Variants in PRKAA1 observed in about 807,000 individuals in gnomAD.
PRKAA1 encodes the protein protein kinase AMP-activated catalytic subunit alpha 1, also known as 5'-AMP-activated protein kinase catalytic subunit alpha-1.
PRKAA1 carries 23 observed loss-of-function variants against 56.9 expected under a neutral mutation model. That is an observed-to-expected ratio of 0.40 (90% confidence interval 0.29 to 0.57). PRKAA1 has a LOEUF of 0.57. Ranked by LOEUF, PRKAA1 falls within the 20% of genes least tolerant of loss-of-function variation. The pLI is 0.39. For synonymous variants in PRKAA1, 226 were observed against 227.0 expected, an observed-to-expected ratio of 1.00 and a Z score of 0.04; for missense variants, 413 against 679.7, an observed-to-expected ratio of 0.61 and a Z score of 4.36.
intron 3 of PRKAA1, chr5:40,774,956 C>A (rs768176385): frequency 3.9e-5 from 62 of 1,605,188 alleles, no homozygotes; most frequent in Non-Finnish European, 5.0e-5. Flanking sequence ...TTTTACTACT[C>A]CAGGTACATC....
At chr5:40,775,197 C>T (rs906448762) in intron 3 of PRKAA1, among the ~76,000 whole-genome samples, 3 of 152,114 alleles carry the variant, frequency 2.0e-5, no homozygotes, top group African/African-American at 4.8e-5. Context: ...ATATAAGCCG[C>T]GAGGCTCAGT....
rs987135361 is a variant in PRKAA1, at chr5:40,769,511, T to C, written c.509-8A>G. The C allele has an allele frequency of 3.8e-6, 6 of 1,595,590 alleles. No individual in the cohort carries two copies. Among genetic ancestry groups the C allele is most frequent in the Middle Eastern group, 1.7e-4 (1 of 5,994 alleles). On this transcript the variant is annotated splice_region_variant and splice_polypyrimidine_tract_variant and intron_variant, in intron 4 of 8. Transcript: ENST00000397128. ...ACATCATGTTTGAAAGACCTGAAAG[T>C]GCACAAAATCAGCTACTCAAAAGAT...
At chr5:40,777,325 T>C in intron 2 of PRKAA1, 120 bp downstream of exon 2, 1 of 1,222,324 alleles carries the variant, frequency 8.2e-7, no homozygotes, top group Non-Finnish European at 1.1e-6. Flanking sequence ...GGAAGAAACT[T>C]TTCAAAACCC....
At position 40,798,225 on chromosome 5, in the gene PRKAA1, C is replaced by T. The variant is rs1745036424; in HGVS notation, c.-36G>A. On this transcript the variant is annotated 5_prime_UTR_variant, in exon 1 of 9. Coordinates refer to ENST00000397128, the MANE Select transcript of PRKAA1 (RefSeq NM_006251.6). ...GAGGGGGCGGAGGGGGCGGGCAGGG[C>T]CGCGCCGGGGGCGGGCGGGGAGGGG... The T allele has an allele frequency of 4.9e-6, 1 of 204,910 alleles. No individual in the cohort carries two copies. Among genetic ancestry groups the T allele is most frequent in the South Asian group, 4.6e-5 (1 of 21,786 alleles). 12.7% of individuals were successfully genotyped at this position (204,910 alleles called of 1,614,324 possible).
rs1052662585 is a variant in PRKAA1, at chr5:40,764,630, G to A, written c.1319C>T (p.Pro440Leu). The stretch of plus-strand genomic sequence containing the variant: ...CTTCCTTCGTACACGCAAATAATAT[G>A]GGTTTACAACCTAGCACATGGTATA... ...QLDYEWKVVN[P>L]YYLRVRRKNP... Residue 440 changes from proline to leucine, a missense_variant, in exon 8 of 9, where the codon CCA becomes CTA. Pro to Leu is a moderately conservative substitution (Grantham distance 98). This residue lies in a region of PRKAA1 where 139 missense variants were observed against 171.5 expected (regional missense o/e 0.81). Transcript: ENST00000397128. 2 of 1,613,720 alleles carry A rather than the reference G, an allele frequency of 1.2e-6. No homozygotes were observed. The highest frequency in any genetic ancestry group is 2.7e-5 in the African/African-American group (2 of 74,892).
rs990755112 is a variant in PRKAA1 at position 40,759,708 on chromosome 5, T to A, written c.*3070A>T. The A allele has an allele frequency of 6.6e-6, 1 of 152,236 alleles. No homozygotes were observed. The highest frequency in any genetic ancestry group is 1.5e-5 in the Non-Finnish European group (1 of 68,028). 9.4% of individuals were successfully genotyped at this position (152,236 alleles called of 1,614,324 possible). The stretch of plus-strand genomic sequence containing the variant: ...CATCTAGCCCCAGGCTACCAAGCAT[T>A]AATTCAATGTAAATGGTGTCACTAC... On this transcript the variant is annotated 3_prime_UTR_variant, in exon 9 of 9. Transcript: ENST00000397128.
intron 1 of PRKAA1, among the ~76,000 whole-genome samples, chr5:40,794,368 T>C (rs1255567000): frequency 7.9e-5 from 12 of 152,242 alleles, no homozygotes; most frequent in Admixed American, 7.8e-4. Flanking sequence ...TTGTTTGAGT[T>C]CATTGTGGAT....
chr5:40,764,442 A>G, intron 8 of PRKAA1, 72 bp downstream of exon 8: 1 of 1,416,350 alleles, frequency 7.1e-7, no homozygotes, highest in East Asian at 2.3e-5. Flanking sequence ...AAGAAGCCTC[A>G]AAAGAATCAA....
In PRKAA1 at chr5:40,777,512, C is replaced by T. The variant is rs762063813; in HGVS notation, c.202G>A (p.Val68Met). ...ATTTCTCTGCGGATTTTTCCTACCACATCAAGGCTCCGAATCTTCTGTCGA... is the reference window on the plus strand; with the variant it reads ...ATTTCTCTGCGGATTTTTCCTACCATATCAAGGCTCCGAATCTTCTGTCGA... ...LNRQKIRSLDVVGKIRREIQN... is the reference protein window; with the variant it reads ...LNRQKIRSLDMVGKIRREIQN... The change falls in exon 2 of 9, where the codon GTG (valine) becomes ATG (methionine). Residue 68 changes from valine to methionine, a missense_variant. By Grantham distance (21) the Val-to-Met change is conservative. Around this residue, in one of 9 missense-constraint regions of PRKAA1, gnomAD observed 16 missense variants for 30.9 expected, o/e 0.52. Coordinates refer to ENST00000397128, the MANE Select transcript of PRKAA1 (RefSeq NM_006251.6). 2 of 1,613,748 alleles carry T rather than the reference C, an allele frequency of 1.2e-6. No homozygotes were observed. Among genetic ancestry groups the T allele is most frequent in the Non-Finnish European group, 8.5e-7 (1 of 1,179,618 alleles).
At chr5:40,764,233 CA>C in intron 8 of PRKAA1, 3 of 215,094 alleles carry the variant, frequency 1.4e-5, no homozygotes, top group Non-Finnish European at 2.7e-5. Flanking sequence ...TGAACTACAC[CA>C]AAAAAACAAA....
At chr5:40,797,019 T>C (rs780353100) in intron 1 of PRKAA1, among the ~76,000 whole-genome samples, 1 of 152,078 alleles carries the variant, frequency 6.6e-6, no homozygotes. Flanking sequence ...CAATTAAACG[T>C]TTTTTTGCCA....
rs1425742575 is a variant in PRKAA1, at chr5:40,760,744, G to A, written c.*2034C>T. ...AAGTGCTTGAGTCAAATCTACTAGAGTCACCATTTATGCAAGCTATCATGA... is the reference window on the plus strand; with the variant it reads ...AAGTGCTTGAGTCAAATCTACTAGAATCACCATTTATGCAAGCTATCATGA... On this transcript the variant is annotated 3_prime_UTR_variant, in exon 9 of 9. Coordinates refer to ENST00000397128, the MANE Select transcript of PRKAA1 (RefSeq NM_006251.6). 3.9e-5 allele frequency: 6 copies of A among 152,654 alleles called. No individual in the cohort carries two copies. The allele number at this position is 152,654 out of a possible 1,614,324, so 9.5% of individuals were successfully genotyped here. A position where few individuals can be genotyped will look rare whatever the true frequency, so the allele number is the denominator to read the frequency against.
chr5:40,768,787 G>A, intron 5 of PRKAA1: 1 of 1,386,394 alleles, frequency 7.2e-7, no homozygotes, highest in East Asian at 2.8e-5. Flanking sequence ...AATTTCAGTA[G>A]TATAGTGAAG....
intron 1 of PRKAA1, among the ~76,000 whole-genome samples, chr5:40,779,614 G>A (rs1744177876): frequency 6.6e-6 from 1 of 152,138 alleles, no homozygotes; most frequent in South Asian, 2.1e-4. Context: ...GTAATCAGGT[G>A]CACCCAGATT....
At position 40,798,078 on chromosome 5, in the gene PRKAA1, A is replaced by C; in HGVS notation, c.112T>G (p.Phe38Val). The C allele has an allele frequency of 6.2e-7, 1 of 1,608,966 alleles. No homozygotes were observed. The highest frequency in any genetic ancestry group is 8.5e-7 in the Non-Finnish European group (1 of 1,177,122). Residue 38 changes from phenylalanine to valine, a missense_variant, in exon 1 of 9, where the codon TTC becomes GTC. This residue lies in a region of PRKAA1 where 61 missense variants were observed against 73.1 expected (regional missense o/e 0.83). Transcript: ENST00000397128. ...ILGDTLGVGTFGKVKVGKHEL... is the reference protein window; with the variant it reads ...ILGDTLGVGTVGKVKVGKHEL... The stretch of plus-strand genomic sequence containing the variant: ...GGGTTCTCACCCTTCACTTTGCCGA[A>C]GGTGCCGACCCCCAGCGTGTCACCC...
At chr5:40,771,974 AACTTC>A in intron 3 of PRKAA1, 111 bp from the exon 4 acceptor site, 1 of 1,267,116 alleles carries the variant, frequency 7.9e-7, no homozygotes, top group South Asian at 1.3e-5. Flanking sequence ...CTTCCCAATG[AACTTC>A]ACTTATGAGA....
At chr5:40,792,979 A>C (rs1463939991) in intron 1 of PRKAA1, among the ~76,000 whole-genome samples, 1 of 151,916 alleles carries the variant, frequency 6.6e-6, no homozygotes, top group African/African-American at 2.4e-5. Context: ...AGGCTGGAGA[A>C]TCGCTTGAAC....
At chr5:40,769,292 G>T in intron 5 of PRKAA1, 124 bp downstream of exon 5, 1 of 753,820 alleles carries the variant, frequency 1.3e-6, no homozygotes, top group South Asian at 2.1e-5. Flanking sequence ...TATAAATGTG[G>T]TTAAGAATAA....
chr5:40,793,590 C>G (rs531019499), intron 1 of PRKAA1, among the ~76,000 whole-genome samples: 1 of 152,274 alleles, frequency 6.6e-6, no homozygotes, highest in African/African-American at 2.4e-5. Flanking sequence ...ATTTTTAAAG[C>G]TTTCTTTACT....
Sources: allele counts gnomAD v4.1 joint callset (sites outside exome capture counted in the v4.1 genomes callset), GRCh38; gene constraint gnomAD v4.1.1; regional missense constraint gnomAD v4.1.1; transcripts MANE v1.5; gene names NCBI Gene and HGNC (gene_info 2026-07-23, HGNC 2026-07-21).